Variants in RBFOX1 observed in about 807,000 individuals in gnomAD.
The protein encoded by RBFOX1 is RNA binding protein fox-1 homolog 1.
RBFOX1 carries 8 observed loss-of-function variants against 57.7 expected under a neutral mutation model. The ratio of observed to expected loss-of-function variants is 0.14; its 90% CI spans 0.08 to 0.25. The LOEUF (loss-of-function observed/expected upper bound fraction) is 0.25. RBFOX1 is among the 10% of genes least tolerant of loss of function. RBFOX1 has a pLI of 1.00. For missense variants in RBFOX1, 611 were observed against 548.5 expected, an observed-to-expected ratio of 1.11 and a Z score of -1.14; for synonymous variants, 326 against 222.4, an observed-to-expected ratio of 1.47 and a Z score of -4.15.
intron 1 of RBFOX1, among the ~76,000 whole-genome samples, chr16:6,035,644 G>T (rs1441487843): frequency 2.0e-5 from 3 of 152,166 alleles, no homozygotes; most frequent in Non-Finnish European, 4.4e-5. Context: ...AGCCCTCCCA[G>T]CTCCCTGCAC....
At chr16:6,656,167 C>G (rs1186770082) in intron 3 of RBFOX1, among the ~76,000 whole-genome samples, 1 of 152,178 alleles carries the variant, frequency 6.6e-6, no homozygotes, top group Non-Finnish European at 1.5e-5. Context: ...CCAAAGTCTT[C>G]TACCAATGTT....
intron 3 of RBFOX1, among the ~76,000 whole-genome samples, chr16:6,792,558 T>C (rs573044940): frequency 3.9e-5 from 6 of 152,346 alleles, no homozygotes; most frequent in Admixed American, 2.0e-4. Flanking sequence ...TGTCCCCATG[T>C]ACACTCAACG....
chr16:6,657,996 T>A (rs945950021), intron 3 of RBFOX1, among the ~76,000 whole-genome samples: 15 of 152,162 alleles, frequency 9.9e-5, no homozygotes, highest in Non-Finnish European at 2.1e-4. Flanking sequence ...TATGGATATA[T>A]TTGTGTACCT....
intron 5 of RBFOX1, among the ~76,000 whole-genome samples, chr16:7,567,531 G>C (rs772665489): frequency 3.9e-5 from 1 of 25,812 alleles, no homozygotes; most frequent in African/African-American, 8.5e-5. Flanking sequence ...ATATCCCTAT[G>C]TATGGCCCTA....
chr16:5,598,875 T>C, intron 2 of RBFOX1: 1 of 1,472,924 alleles, frequency 6.8e-7, no homozygotes, highest in Non-Finnish European at 9.0e-7. Flanking sequence ...CCCCAACCTT[T>C]TTCTCTATTT....
At chr16:5,960,697 C>A (rs1596304766) in intron 4 of RBFOX1, among the ~76,000 whole-genome samples, 1 of 152,146 alleles carries the variant, frequency 6.6e-6, no homozygotes, top group Admixed American at 6.6e-5. Context: ...GAGTTTTCAA[C>A]TTCACAGAGC....
intron 3 of RBFOX1, among the ~76,000 whole-genome samples, chr16:7,047,375 C>A (rs531549273): frequency 1.3e-5 from 2 of 151,968 alleles, no homozygotes; most frequent in Non-Finnish European, 2.9e-5. Flanking sequence ...TTCTGCTGAC[C>A]TCTCTGGATT....
intron 1 of RBFOX1, among the ~76,000 whole-genome samples, chr16:6,107,153 T>C (rs2096390899): frequency 2.6e-5 from 4 of 152,166 alleles, no homozygotes; most frequent in Admixed American, 2.0e-4. Flanking sequence ...TTTTGTTTTT[T>C]TGTTTTTTTA....
At chr16:5,725,380 A>T (rs1240113429) in intron 3 of RBFOX1, among the ~76,000 whole-genome samples, 1 of 152,064 alleles carries the variant, frequency 6.6e-6, no homozygotes, top group African/African-American at 2.4e-5. Flanking sequence ...AGTAACTGGA[A>T]CTACAGGCAT....
At chr16:7,502,732 A>G (rs1229846647) in intron 4 of RBFOX1, among the ~76,000 whole-genome samples, 2 of 152,206 alleles carry the variant, frequency 1.3e-5, no homozygotes, top group African/African-American at 2.4e-5. Flanking sequence ...AGAAGAAATG[A>G]TTCTGAATTG....
At chr16:6,344,085 G>A (rs936846885) in intron 2 of RBFOX1, among the ~76,000 whole-genome samples, 28 of 152,146 alleles carry the variant, frequency 1.8e-4, no homozygotes, top group African/African-American at 6.0e-4. Context: ...TATGCATCAT[G>A]GAAACTGTTG....
chr16:7,035,319 G>T (rs78321949), intron 3 of RBFOX1, among the ~76,000 whole-genome samples: 13,516 of 152,014 alleles, frequency 0.089, 992 homozygotes, highest in East Asian at 0.32. Context: ...TGTGGTGCTG[G>T]CCCATTTATC....
At chr16:5,301,714 C>T (rs1213977821) in intron 1 of RBFOX1, among the ~76,000 whole-genome samples, 1 of 151,960 alleles carries the variant, frequency 6.6e-6, no homozygotes. Flanking sequence ...AACTGCCACC[C>T]TGGCTGACAG....
intron 1 of RBFOX1, among the ~76,000 whole-genome samples, chr16:6,216,512 G>C (rs1164075422): frequency 3.3e-5 from 5 of 152,148 alleles, no homozygotes; most frequent in Non-Finnish European, 5.9e-5. Flanking sequence ...TATTTGGCTT[G>C]ATTTTGTTGT....
intron 2 of RBFOX1, among the ~76,000 whole-genome samples, chr16:6,451,258 G>A (rs944212688): frequency 8.5e-5 from 13 of 152,098 alleles, no homozygotes; most frequent in Admixed American, 7.9e-4. Flanking sequence ...CTGACACAAA[G>A]CATTCTGTGG....
intron 4 of RBFOX1, among the ~76,000 whole-genome samples, chr16:7,464,190 A>C (rs1238557520): frequency 6.6e-6 from 1 of 152,180 alleles, no homozygotes; most frequent in Non-Finnish European, 1.5e-5. Context: ...CCACTCCAAG[A>C]CATGTGTTTT....
chr16:7,256,665 C>G (rs2094698265), intron 4 of RBFOX1, among the ~76,000 whole-genome samples: 1 of 152,182 alleles, frequency 6.6e-6, no homozygotes, highest in Admixed American at 6.5e-5. Flanking sequence ...ACTAAGAATC[C>G]ATTTCCACCC....
intron 4 of RBFOX1, among the ~76,000 whole-genome samples, chr16:7,385,319 G>C (rs1420087701): frequency 1.3e-5 from 2 of 152,202 alleles, no homozygotes; most frequent in Non-Finnish European, 2.9e-5. Context: ...AGGGGTCATA[G>C]TGGTTTGAAC....
chr16:7,054,552 G>GGGGGGGC, intron 4 of RBFOX1, among the ~76,000 whole-genome samples: 1 of 144,222 alleles, frequency 6.9e-6, no homozygotes, highest in Non-Finnish European at 1.5e-5. Context: ...GGGTGGGGGG[G>GGGGGGGC]CATTTTTTAA....
Sources: gnomAD v4.1 joint callset for allele counts (sites outside exome capture counted in the v4.1 genomes callset) on GRCh38, gnomAD v4.1.1 for gene constraint, MANE v1.5 for transcripts, NCBI Gene and HGNC (gene_info 2026-07-23, HGNC 2026-07-21) for gene names.